RHBDF1: variants seen among roughly 807,000 people sequenced by gnomAD.
The protein encoded by RHBDF1 is inactive rhomboid protein 1.
A neutral mutation model predicts 98.6 loss-of-function variants in RHBDF1; 80 were observed. That is an observed-to-expected ratio of 0.81 (90% CI 0.68 to 0.98). RHBDF1 has a LOEUF of 0.98. Ranked by LOEUF, RHBDF1 falls within the 50% of genes least tolerant of loss-of-function variation. RHBDF1 has a pLI of 0.00. For missense variants in RHBDF1, 1,116 were observed against 1,198.3 expected (o/e 0.93, Z 1.01); for synonymous variants, 512 against 486.8 (o/e 1.05, Z -0.68).
At chr16:68,829 A>G (rs1448426706) in intron 1 of RHBDF1, among the ~76,000 whole-genome samples, 2 of 152,046 alleles carry the variant, frequency 1.3e-5, no homozygotes, top group Non-Finnish European at 1.5e-5. Context: ...TGCTCTGGGG[A>G]TGTCTGGGCA....
chr16:62,680 C>A lies in RHBDF1; in HGVS notation c.811G>T (p.Glu271Ter). Residue 271 changes from glutamate to a stop codon, truncating the protein, a stop_gained, in exon 7 of 18, where the codon GAA becomes TAA. Coordinates refer to ENST00000262316, the MANE Select transcript of RHBDF1 (RefSeq NM_022450.5). LOFTEE classifies it high-confidence loss of function. ...SFFAREGILH[E>*]ELSTYPDEVF... The stretch of plus-strand genomic sequence containing the variant: ...TCATCCGGGTATGTGGACAGCTCTT[C>A]ATGGAGGATACCTTCCTGAGCAAAC... 2 of 1,614,142 alleles carry A rather than the reference C, an allele frequency of 1.2e-6. No individual in the cohort carries two copies. The highest frequency in any genetic ancestry group is 8.5e-7 in the Non-Finnish European group (1 of 1,180,036).
In RHBDF1 at chr16:58,782, G is replaced by A. The variant is rs777288146; in HGVS notation, c.2149-23C>T. 4.4e-6 allele frequency: 7 copies of A among 1,607,200 alleles called. No individual in the cohort carries two copies. The South Asian group carries it at 7.7e-5, about 18-fold the overall frequency. The stretch of plus-strand genomic sequence containing the variant: ...CACCTGGGGGATGGTTGGGGTAGCT[G>A]TAAGGCAGTGGGGCTGGGCAGGCCC... On this transcript the variant is annotated intron_variant, in intron 17 of 17. Coordinates refer to ENST00000262316, the MANE Select transcript of RHBDF1 (RefSeq NM_022450.5).
chr16:73,309 C>T (rs1567120410), upstream of RHBDF1, among the ~76,000 whole-genome samples: 1 of 152,156 alleles, frequency 6.6e-6, no homozygotes, highest in Non-Finnish European at 1.5e-5. Flanking sequence ...GTGCCCCTAC[C>T]CCCAGAAGCC....
In RHBDF1 at chr16:68,700, G is replaced by A. The variant is rs74000607; in HGVS notation, c.-24-3661C>T. 5.2e-3 allele frequency among the ~76,000 whole-genome samples: 790 copies of A among 152,300 alleles called. 8 individuals are homozygous for A. Among genetic ancestry groups the A allele is most frequent in the African/African-American group, 0.018 (744 of 41,562 alleles). ...AGGACTCTCGATGAGGCTGAGGGAC[G>A]AGGAGGGTCAAGGGAGCCACTGGCG... is the stretch of plus-strand genomic sequence containing the variant. On this transcript the variant is annotated intron_variant, in intron 1 of 17. Transcript: ENST00000262316.
At position 63,715 on chromosome 16, in the gene RHBDF1, G is replaced by A. The variant is rs754407394; in HGVS notation, c.334C>T (p.Arg112Cys). Residue 112 changes from arginine (R) to cysteine (C), a missense_variant, in exon 4 of 18, where the codon CGC (arginine) becomes TGC (cysteine). Physicochemically the swap from Arg to Cys is radical, Grantham distance 180. Transcript: ENST00000262316. ...ACCTGGGGCTTCAGCTTCCCGTAGC[G>A]CTGGCTGCAGTGACGGATGCTCTTG... ...QRKSIRHCSQRYGKLKPQVLR... is the reference protein window; with the variant it reads ...QRKSIRHCSQCYGKLKPQVLR... 86 of 1,613,564 alleles carry A rather than the reference G, an allele frequency of 5.3e-5. No individual in the cohort carries two copies. The Admixed American group carries it at 6.5e-4, about 12-fold the overall frequency.
chr16:71,408 G>T (rs1366373479), intron 1 of RHBDF1, among the ~76,000 whole-genome samples: 1 of 152,216 alleles, frequency 6.6e-6, no homozygotes, highest in Middle Eastern at 3.2e-3. Flanking sequence ...GCCCCAGCCA[G>T]CTGCTTGGTC....
rs1448731629 is a variant in RHBDF1, at chr16:60,984, A to G, written c.1557+136T>C. On this transcript the variant is annotated intron_variant, in intron 11 of 17. Transcript: ENST00000262316. ...AGGGTGGGGATGAGGAGGAATGAAT[A>G]TGACAAGGCCTTGCGCGTAAGGACG... The G allele has an allele frequency of 6.6e-6, 6 of 911,614 alleles. No homozygotes were observed. The East Asian group carries it at 1.4e-4, about 21-fold the overall frequency. 56.5% of individuals were successfully genotyped at this position (911,614 alleles called of 1,614,324 possible).
intron 1 of RHBDF1, among the ~76,000 whole-genome samples, chr16:71,392 C>T (rs770580646): frequency 2.5e-4 from 38 of 152,220 alleles, no homozygotes; most frequent in Non-Finnish European, 2.2e-4. Flanking sequence ...CTCAGGGACC[C>T]CTTGAGCCCC....
At chr16:63,345 C>G (rs1417692472) in intron 4 of RHBDF1, among the ~76,000 whole-genome samples, 163 bp from the exon 5 acceptor site, 1 of 152,182 alleles carries the variant, frequency 6.6e-6, no homozygotes, top group African/African-American at 2.4e-5. Flanking sequence ...CCTAGAGGTC[C>G]TGCCTGGAAT....
intron 13 of RHBDF1, 116 bp downstream of exon 13, chr16:60,100 T>C: frequency 6.4e-7 from 1 of 1,563,826 alleles, no homozygotes; most frequent in Non-Finnish European, 8.7e-7. Context: ...GCACAGCCTC[T>C]GAAAACGTGA....
intron 1 of RHBDF1, among the ~76,000 whole-genome samples, chr16:67,092 A>C (rs1289447635): frequency 6.6e-6 from 1 of 152,164 alleles, no homozygotes; most frequent in Non-Finnish European, 1.5e-5. Context: ...GGACTGCAGT[A>C]CCATCACCCT....
intron 4 of RHBDF1, 48 bp downstream of exon 4, chr16:63,537 CCT>C (rs1897724430): frequency 3.4e-6 from 5 of 1,451,880 alleles, no homozygotes; most frequent in Non-Finnish European, 4.6e-6. Context: ...AGCCCCAGCC[CCT>C]GAGAGCGGAA....
upstream of RHBDF1, chr16:74,930 T>C (rs538919080): frequency 1.3e-5 from 2 of 152,124 alleles, no homozygotes; most frequent in African/African-American, 4.8e-5. Context: ...CTGACTCTCT[T>C]TTCTTCGGAC....
rs1176451213 is a variant in RHBDF1 at position 72,576 on chromosome 16, G to A, written c.-88C>T. Reference sequence around the variant, plus strand: ...GGGGAGGAGGCTGCCGCCGCTGGCCGGGAGGGCCCGCGCCGAGTCCCCGCC... The same window carrying A: ...GGGGAGGAGGCTGCCGCCGCTGGCCAGGAGGGCCCGCGCCGAGTCCCCGCC... On this transcript the variant is annotated 5_prime_UTR_variant, in exon 1 of 18. Coordinates refer to ENST00000262316, the MANE Select transcript of RHBDF1 (RefSeq NM_022450.5). The A allele has an allele frequency of 5.9e-5, 49 of 830,848 alleles. No homozygotes were observed. In the East Asian group the frequency reaches 0.011, roughly 192 times the overall value. The allele number at this position is 830,848 out of a possible 1,614,324, so 51.5% of individuals were successfully genotyped here. A position where few individuals can be genotyped will look rare whatever the true frequency, so the allele number is the denominator to read the frequency against.
At chr16:72,713 C>T (rs767578976), upstream of RHBDF1, 1,384 of 984,084 alleles carry the variant, frequency 1.4e-3, 4 homozygotes, top group Non-Finnish European at 1.6e-3. Flanking sequence ...GGAATGCGCG[C>T]CGCCCGCCTG....
intron 13 of RHBDF1, 190 bp downstream of exon 13, chr16:60,026 C>A: frequency 6.8e-7 from 1 of 1,476,116 alleles, no homozygotes; most frequent in Non-Finnish European, 9.0e-7. Context: ...CCATCTAGTT[C>A]TCTTGATCTA....
Position 64,826 on chromosome 16 carries a change from G to C in RHBDF1, c.121C>G (p.Leu41Val), listed in dbSNP as rs149654816. The C allele has an allele frequency of 6.2e-7, 1 of 1,614,118 alleles. No homozygotes were observed. Among genetic ancestry groups the C allele is most frequent in the Non-Finnish European group, 8.5e-7 (1 of 1,180,024 alleles). ...CTCCTCAGGAAAGCCTGTCGCCTCA[G>C]GGGCTGGGCAACAGGGTCATGGTGA... is the stretch of plus-strand genomic sequence containing the variant. ...TAEEPSFLQPLRRQAFLRSVS... is the reference protein window; with the variant it reads ...TAEEPSFLQPVRRQAFLRSVS... The change falls in exon 3 of 18, where the codon CTG becomes GTG. Residue 41 changes from leucine to valine, a missense_variant. Physicochemically the swap from Leu to Val is conservative, Grantham distance 32. Coordinates refer to ENST00000262316, the MANE Select transcript of RHBDF1 (RefSeq NM_022450.5).
At chr16:70,814 G>A (rs549640711) in intron 1 of RHBDF1, among the ~76,000 whole-genome samples, 59 of 152,354 alleles carry the variant, frequency 3.9e-4, no homozygotes, top group Middle Eastern at 6.8e-3. Flanking sequence ...CCTTGTGGCT[G>A]TGGACGGCTG....
chr16:60,998 C>G, intron 11 of RHBDF1, 122 bp downstream of exon 11: 1 of 1,091,684 alleles, frequency 9.2e-7, no homozygotes, highest in Admixed American at 2.6e-5. Flanking sequence ...CAAGGCCTTG[C>G]GCGTAAGGAC....
Sources: gnomAD v4.1 joint callset for allele counts (sites outside exome capture counted in the v4.1 genomes callset) on GRCh38, gnomAD v4.1.1 for gene constraint, MANE v1.5 for transcripts, NCBI Gene and HGNC (gene_info 2026-07-23, HGNC 2026-07-21) for gene names.